CRYBG1: variants seen among roughly 807,000 people sequenced by gnomAD.
The protein encoded by CRYBG1 is crystallin beta-gamma domain containing 1, also known as beta/gamma crystallin domain-containing protein 1.
CRYBG1 carries 139 observed loss-of-function variants against 189.2 expected under a neutral mutation model. The observed-to-expected ratio is 0.73, with a 90% CI of 0.64 to 0.85. The LOEUF (loss-of-function observed/expected upper bound fraction) is 0.85, where lower values mean the gene tolerates loss of function less well. Ranked by LOEUF, CRYBG1 falls within the 40% of genes least tolerant of loss-of-function variation. The pLI is 0.00. For synonymous variants in CRYBG1, 1,023 were observed against 1,017.1 expected (o/e 1.01, Z -0.11); for missense variants, 2,611 against 2,675.8 (o/e 0.98, Z 0.53).
chr6:106,526,542 A>C (rs953989418), intron 6 of CRYBG1, among the ~76,000 whole-genome samples: 2 of 152,170 alleles, frequency 1.3e-5, no homozygotes, highest in African/African-American at 4.8e-5. Context: ...TATTATTAAA[A>C]TGCTTTCCAT....
intron 4 of CRYBG1, among the ~76,000 whole-genome samples, chr6:106,523,761 G>A (rs988975154): frequency 7.3e-4 from 106 of 145,708 alleles, no homozygotes; most frequent in African/African-American, 2.3e-3. Context: ...TCAGAATCTC[G>A]CTCTGTCACC....
At chr6:106,466,817 A>G (rs1418022853) in intron 2 of CRYBG1, among the ~76,000 whole-genome samples, 3 of 152,192 alleles carry the variant, frequency 2.0e-5, no homozygotes, top group Non-Finnish European at 4.4e-5. Flanking sequence ...TTTTTTAGGA[A>G]TAAGTGTAGG....
chr6:106,555,202 A>G (rs888204792), intron 16 of CRYBG1, among the ~76,000 whole-genome samples: 4 of 151,932 alleles, frequency 2.6e-5, no homozygotes, highest in African/African-American at 9.7e-5. Context: ...GAAAAAAAAA[A>G]AAAAGGCCCA....
chr6:106,524,974 A>G (rs1483364770), intron 4 of CRYBG1, among the ~76,000 whole-genome samples, 159 bp from the exon 5 acceptor site: 1 of 152,228 alleles, frequency 6.6e-6, no homozygotes, highest in East Asian at 1.9e-4. Flanking sequence ...GCATAAACTC[A>G]AAGAGTTTTA....
intron 1 of CRYBG1, among the ~76,000 whole-genome samples, chr6:106,435,240 A>C (rs1283511049): frequency 6.6e-6 from 1 of 152,036 alleles, no homozygotes; most frequent in Non-Finnish European, 1.5e-5. Context: ...ATCATAGCTT[A>C]CTACAGCCTC....
chr6:106,373,166 T>C (rs80192493), intron 1 of CRYBG1, among the ~76,000 whole-genome samples: 8,482 of 152,248 alleles, frequency 0.056, 389 homozygotes, highest in East Asian at 0.16. Flanking sequence ...TACAGAAGGG[T>C]ATCCAGGAAC....
intron 1 of CRYBG1, among the ~76,000 whole-genome samples, chr6:106,361,432 G>A (rs1014764013): frequency 7.2e-5 from 11 of 152,338 alleles, no homozygotes; most frequent in Admixed American, 3.9e-4. Context: ...CGGGAACTCT[G>A]CTTTGGGGTT....
At chr6:106,538,151 T>A in intron 8 of CRYBG1, among the ~76,000 whole-genome samples, 1 of 137,966 alleles carries the variant, frequency 7.2e-6, no homozygotes, top group South Asian at 2.5e-4. Flanking sequence ...CACTAAGAAG[T>A]CTATGTTTGT....
intron 13 of CRYBG1, among the ~76,000 whole-genome samples, chr6:106,547,705 A>T (rs1774297709): frequency 1.3e-5 from 2 of 152,226 alleles, no homozygotes; most frequent in Non-Finnish European, 2.9e-5. Flanking sequence ...TTGTTCCATG[A>T]AAGTATCTCC....
At chr6:106,452,999 A>T (rs1391927172) in intron 2 of CRYBG1, among the ~76,000 whole-genome samples, 1 of 152,238 alleles carries the variant, frequency 6.6e-6, no homozygotes, top group East Asian at 1.9e-4. Flanking sequence ...CCCAAAAGAC[A>T]TTTGCTTTAG....
intron 1 of CRYBG1, among the ~76,000 whole-genome samples, chr6:106,406,917 A>C (rs7749406): frequency 1 from 152,352 of 152,352 alleles, 76,176 homozygotes; most frequent in Non-Finnish European, 1. Context: ...CCAGTACCAG[A>C]CACTGCAAAA....
chr6:106,398,521 T>C (rs564920213), intron 1 of CRYBG1, among the ~76,000 whole-genome samples: 105 of 152,258 alleles, frequency 6.9e-4, no homozygotes, highest in African/African-American at 2.3e-3. Context: ...AATTCAGTAA[T>C]TGGTAGCAAA....
chr6:106,391,474 T>C (rs1168183266), intron 1 of CRYBG1, among the ~76,000 whole-genome samples: 1 of 152,228 alleles, frequency 6.6e-6, no homozygotes, highest in Non-Finnish European at 1.5e-5. Context: ...TGACTAATGA[T>C]GTTGGACAAC....
intron 1 of CRYBG1, among the ~76,000 whole-genome samples, chr6:106,379,858 G>A (rs1006609647): frequency 6.6e-6 from 1 of 152,182 alleles, no homozygotes; most frequent in Non-Finnish European, 1.5e-5. Flanking sequence ...GGGATTACAG[G>A]CATGCCTACC....
chr6:106,395,051 A>G (rs115471592), intron 1 of CRYBG1, among the ~76,000 whole-genome samples: 4,010 of 151,334 alleles, frequency 0.026, 165 homozygotes, highest in African/African-American at 0.092. Flanking sequence ...TAAAATTTCT[A>G]CCGTCTTTCA....
At chr6:106,531,396 G>A (rs1773872855) in intron 8 of CRYBG1, among the ~76,000 whole-genome samples, 1 of 152,206 alleles carries the variant, frequency 6.6e-6, no homozygotes, top group Non-Finnish European at 1.5e-5. Flanking sequence ...ATATAGAAGA[G>A]ATATTAGACT....
chr6:106,525,905 C>T (rs559728418), intron 6 of CRYBG1, among the ~76,000 whole-genome samples: 2 of 152,222 alleles, frequency 1.3e-5, no homozygotes, highest in Middle Eastern at 3.4e-3. Context: ...TTCAATGCAG[C>T]ACTAACTTAA....
Position 106,438,557 on chromosome 6 carries a change from C to T in CRYBG1, c.174-13137C>T, listed in dbSNP as rs565226479. Among the ~76,000 whole-genome samples the T allele has an allele frequency of 3.3e-5, 5 of 152,298 alleles. No homozygotes were observed. In the East Asian group the frequency reaches 9.7e-4, roughly 29 times the overall value. ...CCCACTGCGTCACTCCAGTCTCCTCCTGCATTGTCACAGGCGTGTGGCTCT... is the reference window on the plus strand; with the variant it reads ...CCCACTGCGTCACTCCAGTCTCCTCTTGCATTGTCACAGGCGTGTGGCTCT... On this transcript the variant is annotated intron_variant, in intron 1 of 21. Transcript: ENST00000633556.
chr6:106,474,277 G>A (rs1237275369), intron 2 of CRYBG1, among the ~76,000 whole-genome samples: 3 of 152,158 alleles, frequency 2.0e-5, no homozygotes, highest in South Asian at 2.1e-4. Flanking sequence ...CCAAGAGTTC[G>A]AGGCTACAGT....
Sources: allele counts gnomAD v4.1 joint callset (sites outside exome capture counted in the v4.1 genomes callset), GRCh38; gene constraint gnomAD v4.1.1; transcripts MANE v1.5; gene names NCBI Gene and HGNC (gene_info 2026-07-23, HGNC 2026-07-21).